The following CCL25 variants were observed in gnomAD, a reference collection of about 807,000 sequenced individuals.
CCL25 encodes C-C motif chemokine ligand 25.
A neutral mutation model predicts 19.9 loss-of-function variants in CCL25; 14 were observed. That is an observed-to-expected ratio of 0.70 (90% confidence interval 0.47 to 1.10). The LOEUF is 1.10. CCL25 is among the 50% of genes least tolerant of loss of function. CCL25 has a pLI of 0.00. For missense variants in CCL25, 151 were observed against 181.2 expected (o/e 0.83, Z 0.96); for synonymous variants, 68 against 73.2 (o/e 0.93, Z 0.36).
rs960909604 is a variant in CCL25, at chr19:8,058,524, T to C, written c.445+604T>C. Among the ~76,000 whole-genome samples the C allele has an allele frequency of 7.3e-4, 83 of 112,954 alleles. No individual in the cohort carries two copies. The East Asian group carries it at 0.016, about 22-fold the overall frequency. 74.1% of individuals were successfully genotyped at this position (112,954 alleles called of 152,430 possible). On this transcript the variant is annotated intron_variant, in intron 5 of 5. Transcript: ENST00000315626. ...AAGTAAATATATTATATATAATATA[T>C]AAATAATATATAATATATAAATACA...
At chr19:8,057,711 T>A in intron 4 of CCL25, 90 bp from the exon 5 acceptor site, 2 of 1,472,282 alleles carry the variant, frequency 1.4e-6, no homozygotes, top group Non-Finnish European at 1.8e-6. Flanking sequence ...TTGGCTTAAA[T>A]AACCAGTCAA....
rs2081241214 is a variant in CCL25, at chr19:8,052,767, G to A, written c.-106G>A. 2.4e-6 allele frequency: 1 copy of A among 415,124 alleles called. No homozygotes were observed. Among genetic ancestry groups the A allele is most frequent in the Non-Finnish European group, 4.3e-6 (1 of 233,362 alleles). The allele number at this position is 415,124 out of a possible 1,614,324, so 25.7% of individuals were successfully genotyped here. Reference sequence around the variant, plus strand: ...GCTCAGCGTGTTGGTCCTGCAGATGGGACAGCTTGGCCTACAGCCCGGCGG... The same window carrying A: ...GCTCAGCGTGTTGGTCCTGCAGATGAGACAGCTTGGCCTACAGCCCGGCGG... On this transcript the variant is annotated 5_prime_UTR_variant, in exon 1 of 6. Coordinates refer to ENST00000315626, the MANE Select transcript of CCL25 (RefSeq NM_005624.4).
At chr19:8,056,302 G>GGGGGGGGGGGCCCCCC in intron 3 of CCL25, 33 bp downstream of exon 3, 1 of 593,380 alleles carries the variant, frequency 1.7e-6, no homozygotes. Context: ...GGGGGGTGGG[G>GGGGGGGGGGGCCCCCC]TGCACACACA....
chr19:8,058,574 A>C (rs1467523578), intron 5 of CCL25, among the ~76,000 whole-genome samples: 1 of 119,054 alleles, frequency 8.4e-6, no homozygotes, highest in Non-Finnish European at 1.7e-5. Flanking sequence ...ATAATATATA[A>C]TATATAAATA....
chr19:8,057,917 T>A lies in CCL25; in HGVS notation c.442T>A (p.Ser148Thr), dbSNP rs1454191593. 6.2e-7 allele frequency: 1 copy of A among 1,611,594 alleles called. No individual in the cohort carries two copies. Among genetic ancestry groups the A allele is most frequent in the Non-Finnish European group, 8.5e-7 (1 of 1,178,394 alleles). Residue 148 changes from serine to threonine, a missense_variant, in exon 5 of 6, where the codon TCA becomes ACA. Ser to Thr is a moderately conservative substitution (Grantham distance 58). Transcript: ENST00000315626. ...TGTCTCCCTCCTGATATCAGCTAATTCAGGTAAGGACTCTTGGTCATGTGA... is the reference window on the plus strand; with the variant it reads ...TGTCTCCCTCCTGATATCAGCTAATACAGGTAAGGACTCTTGGTCATGTGA... ...RNVSLLISANSGL is the reference protein window; with the variant it reads ...RNVSLLISANTGL
intron 2 of CCL25, among the ~76,000 whole-genome samples, chr19:8,053,547 A>ATT (rs57912076): frequency 0.07 from 8,398 of 120,628 alleles, 420 homozygotes; most frequent in Non-Finnish European, 0.078. Context: ...CTCCTAAACC[A>ATT]TTTTTTTTTT....
chr19:8,058,057 AT>A, intron 5 of CCL25, 137 bp downstream of exon 5: 1 of 1,403,764 alleles, frequency 7.1e-7, no homozygotes, highest in African/African-American at 1.5e-5. Flanking sequence ...AGTGCCGCAG[AT>A]TCACAGGGGA....
At chr19:8,053,723 T>G (rs1329461976) in intron 2 of CCL25, among the ~76,000 whole-genome samples, 1 of 151,770 alleles carries the variant, frequency 6.6e-6, no homozygotes, top group Admixed American at 6.6e-5. Context: ...AATTTTTGTA[T>G]TTTTTAGTAG....
In CCL25 at chr19:8,056,032, C is replaced by T. The variant is rs530267275; in HGVS notation, c.74-120C>T. ...CCTAAGGCTGTTCCTCAGCCTCTGC[C>T]GGGCCTGGAAGGGTTGTGGTATGAG... is the stretch of plus-strand genomic sequence containing the variant. On this transcript the variant is annotated intron_variant, in intron 2 of 5. Transcript: ENST00000315626. 36 of 660,798 alleles carry T rather than the reference C, an allele frequency of 5.4e-5. 1 individual carries two copies. The highest frequency in any genetic ancestry group is 8.3e-4 in the Middle Eastern group (2 of 2,404). 40.9% of individuals were successfully genotyped at this position (660,798 alleles called of 1,614,324 possible).
chr19:8,055,870 A>G (rs902026911), intron 2 of CCL25, among the ~76,000 whole-genome samples: 2 of 152,122 alleles, frequency 1.3e-5, no homozygotes, highest in African/African-American at 4.8e-5. Context: ...CCTTTTCCCC[A>G]GAGCAGGAGT....
chr19:8,060,643 G>A lies in CCL25; in HGVS notation c.446-1575G>A, dbSNP rs139595120. 6.8e-3 allele frequency among the ~76,000 whole-genome samples: 1,034 copies of A among 151,644 alleles called. 11 individuals are homozygous for A. The highest frequency in any genetic ancestry group is 0.023 in the African/African-American group (967 of 41,338). Reference sequence around the variant, plus strand: ...ACATAGCTCACCGCCTCAGCCTCCCGAGTAGCTGGGACTGCAGGCCAGTAC... The same window carrying A: ...ACATAGCTCACCGCCTCAGCCTCCCAAGTAGCTGGGACTGCAGGCCAGTAC... On this transcript the variant is annotated intron_variant, in intron 5 of 5. Transcript: ENST00000315626.
chr19:8,057,174 C>T (rs2081278794), intron 4 of CCL25, among the ~76,000 whole-genome samples: 1 of 151,986 alleles, frequency 6.6e-6, no homozygotes, highest in South Asian at 2.1e-4. Flanking sequence ...CCCACGCCAC[C>T]ACGCCTGGCT....
At position 8,062,233 on chromosome 19, in the gene CCL25, C is replaced by G. The variant is rs768926082; in HGVS notation, c.*8C>G. 1 of 1,612,968 alleles carries G rather than the reference C, an allele frequency of 6.2e-7. No homozygotes were observed. Among genetic ancestry groups the G allele is most frequent in the Non-Finnish European group, 8.5e-7 (1 of 1,179,986 alleles). On this transcript the variant is annotated 3_prime_UTR_variant, in exon 6 of 6. Coordinates refer to ENST00000315626, the MANE Select transcript of CCL25 (RefSeq NM_005624.4). ...GCTTCTGCAGGACTGTGAGCCGGCT[C>G]ATTTCTGGGCTCCATCGGCACAGGA...
At chr19:8,053,972 G>A (rs946309898) in intron 2 of CCL25, among the ~76,000 whole-genome samples, 1 of 152,172 alleles carries the variant, frequency 6.6e-6, no homozygotes, top group African/African-American at 2.4e-5. Context: ...CTCATGTCTG[G>A]CGGCGGCAAT....
In CCL25 at chr19:8,059,039, A is replaced by G. The variant is rs897437561; in HGVS notation, c.445+1119A>G. Among the ~76,000 whole-genome samples the G allele has an allele frequency of 3.0e-4, 38 of 126,450 alleles. No individual in the cohort carries two copies. In the East Asian group the frequency reaches 6.7e-3, roughly 22 times the overall value. The allele number at this position is 126,450 out of a possible 152,430, so 83.0% of individuals were successfully genotyped here. A position where few individuals can be genotyped will look rare whatever the true frequency, so the allele number is the denominator to read the frequency against. On this transcript the variant is annotated intron_variant, in intron 5 of 5. Transcript: ENST00000315626. ...TATAATATAAATATATGTAATATAT[A>G]AACATATATGTAATATATAAATATA...
chr19:8,053,069 C>T lies in CCL25; in HGVS notation c.20C>T (p.Ala7Val), dbSNP rs369426686. The change falls in exon 2 of 6, where the codon GCC becomes GTC. Residue 7 changes from alanine (A) to valine (V), a missense_variant. Physicochemically the swap from Ala to Val is moderately conservative, Grantham distance 64 (BLOSUM62 0). Coordinates refer to ENST00000315626, the MANE Select transcript of CCL25 (RefSeq NM_005624.4). The stretch of plus-strand genomic sequence containing the variant: ...TGCAGCATGAACCTGTGGCTCCTGG[C>T]CTGCCTGGTGGCCGGCTTCCTGGGA... MNLWLL[A>V]CLVAGFLGAW... The T allele has an allele frequency of 1.3e-6, 2 of 1,553,948 alleles. No homozygotes were observed. Among genetic ancestry groups the T allele is most frequent in the African/African-American group, 1.4e-5 (1 of 73,248 alleles).
At chr19:8,059,015 A>G (rs1568335814) in intron 5 of CCL25, among the ~76,000 whole-genome samples, 1 of 130,328 alleles carries the variant, frequency 7.7e-6, no homozygotes, top group Non-Finnish European at 1.6e-5. Flanking sequence ...ATATAAATAT[A>G]TAATATAAAT....
chr19:8,052,794 C>A lies in CCL25; in HGVS notation c.-79C>A. ...ACAGCTTGGCCTACAGCCCGGCGGG[C>A]ATCAGCTCCCTTGACCCAGTGGATA... is the stretch of plus-strand genomic sequence containing the variant. On this transcript the variant is annotated 5_prime_UTR_variant, in exon 1 of 6. Transcript: ENST00000315626. 1 of 448,934 alleles carries A rather than the reference C, an allele frequency of 2.2e-6. No individual in the cohort carries two copies. The highest frequency in any genetic ancestry group is 4.0e-6 in the Non-Finnish European group (1 of 253,154). The allele number at this position is 448,934 out of a possible 1,614,324, so 27.8% of individuals were successfully genotyped here.
chr19:8,052,663 G>A, upstream of CCL25: 1 of 195,210 alleles, frequency 5.1e-6, no homozygotes, highest in Non-Finnish European at 1.0e-5. Flanking sequence ...CAGAGGCTGA[G>A]AGTGCAGGTG....
Sources: allele counts gnomAD v4.1 joint callset (sites outside exome capture counted in the v4.1 genomes callset), GRCh38; gene constraint gnomAD v4.1.1; transcripts MANE v1.5; gene names NCBI Gene and HGNC (gene_info 2026-07-23, HGNC 2026-07-21).